GATB: variants seen among roughly 807,000 people sequenced by gnomAD.
GATB encodes glutamyl-tRNA amidotransferase subunit B.
GATB carries 39 observed loss-of-function variants against 62.3 expected under a neutral mutation model. The observed-to-expected ratio is 0.63, with a 90% CI of 0.48 to 0.82. The LOEUF is 0.82. Among genes scored for constraint, GATB ranks in the 40% least tolerant of loss-of-function variants. The pLI is 0.00. For synonymous variants in GATB, 276 were observed against 258.9 expected, an observed-to-expected ratio of 1.07 and a Z score of -0.63; for missense variants, 670 against 684.0, an observed-to-expected ratio of 0.98 and a Z score of 0.23.
intron 10 of GATB, among the ~76,000 whole-genome samples, chr4:151,686,642 T>TCCGCG (rs1738251627): frequency 1.4e-5 from 1 of 73,448 alleles, no homozygotes. Flanking sequence ...GTGTCACCAG[T>TCCGCG]CCCCGCCCCG....
At chr4:151,686,706 G>A (rs1283450586) in intron 10 of GATB, among the ~76,000 whole-genome samples, 2 of 128,286 alleles carry the variant, frequency 1.6e-5, no homozygotes, top group Admixed American at 1.1e-4. Flanking sequence ...GTGCCATCGC[G>A]CCTGCATTTC....
At chr4:151,746,046 T>C (rs1488255804) in intron 2 of GATB, among the ~76,000 whole-genome samples, 1 of 152,204 alleles carries the variant, frequency 6.6e-6, no homozygotes, top group Non-Finnish European at 1.5e-5. Flanking sequence ...TGAATTGTAG[T>C]GCAGCCTGAT....
intron 9 of GATB, among the ~76,000 whole-genome samples, 185 bp from the exon 10 acceptor site, chr4:151,688,948 G>A (rs1231107289): frequency 6.6e-6 from 1 of 152,102 alleles, no homozygotes; most frequent in Non-Finnish European, 1.5e-5. Flanking sequence ...TTCTACTACT[G>A]TCACTGTGCA....
In GATB at chr4:151,679,888, A is replaced by T. The variant is rs750020229; in HGVS notation, c.1335T>A (p.Pro445=). ...KQQNLAVSES[P]VTPSALAELL... Reference sequence around the variant, plus strand: ...GCTCAGCGAGTGCAGAGGGTGTGACAGGACTGGTGGCCCCCAAAAGAGAAA... The same window carrying T: ...GCTCAGCGAGTGCAGAGGGTGTGACTGGACTGGTGGCCCCCAAAAGAGAAA... The change falls in exon 11 of 13, where the codon CCT becomes CCA. Residue 445 remains proline (P), a synonymous_variant. Transcript: ENST00000263985. The T allele has an allele frequency of 6.2e-7, 1 of 1,614,092 alleles. No individual in the cohort carries two copies. Among genetic ancestry groups the T allele is most frequent in the East Asian group, 2.2e-5 (1 of 44,886 alleles).
intron 9 of GATB, among the ~76,000 whole-genome samples, chr4:151,689,289 C>T (rs906078621): frequency 1.3e-5 from 2 of 152,224 alleles, no homozygotes; most frequent in African/African-American, 4.8e-5. Context: ...CTGATTCTCA[C>T]ATCATGACAA....
At chr4:151,722,515 C>T (rs1444101434) in intron 2 of GATB, 1 of 370,382 alleles carries the variant, frequency 2.7e-6, no homozygotes, top group African/African-American at 2.1e-5. Context: ...TGTCCCCCCA[C>T]AACACCTCTG....
intron 9 of GATB, among the ~76,000 whole-genome samples, chr4:151,690,002 T>C (rs1738330635): frequency 6.6e-6 from 1 of 152,232 alleles, no homozygotes; most frequent in Non-Finnish European, 1.5e-5. Flanking sequence ...AGATTTCCTT[T>C]ACCCATGGAA....
In GATB at chr4:151,732,221, T is replaced by C. The variant is rs1739281720; in HGVS notation, c.328-12683A>G. Among the ~76,000 whole-genome samples the C allele has an allele frequency of 3.3e-5, 5 of 152,138 alleles. No individual in the cohort carries two copies. In the South Asian group the frequency reaches 1.0e-3, roughly 31 times the overall value. On this transcript the variant is annotated intron_variant, in intron 2 of 12. Transcript: ENST00000263985. Reference sequence around the variant, plus strand: ...TGGCCACCACCCCATCAGGGAGGTGTACCCAACAGCTCATTGAGAATGGGC... The same window carrying C: ...TGGCCACCACCCCATCAGGGAGGTGCACCCAACAGCTCATTGAGAATGGGC...
intron 9 of GATB, among the ~76,000 whole-genome samples, chr4:151,695,413 G>A (rs1738448563): frequency 6.6e-6 from 1 of 152,126 alleles, no homozygotes; most frequent in African/African-American, 2.4e-5. Context: ...CTGTCCCCAA[G>A]TCAGTGTTTT....
chr4:151,740,817 G>A (rs1005064711), intron 2 of GATB, among the ~76,000 whole-genome samples: 5 of 152,132 alleles, frequency 3.3e-5, no homozygotes, highest in African/African-American at 7.2e-5. Flanking sequence ...TTCAGGCTGC[G>A]TTTTTATTAT....
At position 151,671,317 on chromosome 4, in the gene GATB, A is replaced by ATTAT. The variant is rs1737854235; in HGVS notation, c.1546-16_1546-15insATAA. 1.2e-6 allele frequency: 2 copies of ATTAT among 1,605,698 alleles called. No individual in the cohort carries two copies. The highest frequency in any genetic ancestry group is 2.2e-5 in the East Asian group (1 of 44,788). On this transcript the variant is annotated splice_polypyrimidine_tract_variant and intron_variant, in intron 12 of 12. Coordinates refer to ENST00000263985, the MANE Select transcript of GATB (RefSeq NM_004564.3). ...ACATCCATTACCTAGAAGGACAGAA[A>ATTAT]TTACTTACTTAAGAGGAGAAAATGA...
intron 5 of GATB, among the ~76,000 whole-genome samples, chr4:151,715,323 C>T (rs1348531953): frequency 3.3e-5 from 5 of 152,294 alleles, no homozygotes; most frequent in African/African-American, 1.2e-4. Flanking sequence ...AGAGGCTACC[C>T]TTTACGGACT....
At position 151,760,901 on chromosome 4, in the gene GATB, T is replaced by G. The variant is rs1160435489; in HGVS notation, c.82A>C (p.Arg28=). ...ARVDGGSCHR[R]GAPTGSTSNQ... Reference sequence around the variant, plus strand: ...GATGTGGACCCAGTCGGAGCCCCTCTTCGGTGGCAAGAACCACCGTCAACC... The same window carrying G: ...GATGTGGACCCAGTCGGAGCCCCTCGTCGGTGGCAAGAACCACCGTCAACC... The change falls in exon 1 of 13, where the codon AGA becomes CGA. Residue 28 remains arginine, a synonymous_variant. Coordinates refer to ENST00000263985, the MANE Select transcript of GATB (RefSeq NM_004564.3). 1 of 1,614,052 alleles carries G rather than the reference T, an allele frequency of 6.2e-7. No individual in the cohort carries two copies. Among genetic ancestry groups the G allele is most frequent in the East Asian group, 2.2e-5 (1 of 44,878 alleles).
chr4:151,682,224 G>T (rs1344354777), intron 10 of GATB, among the ~76,000 whole-genome samples: 2 of 152,068 alleles, frequency 1.3e-5, no homozygotes, highest in Non-Finnish European at 2.9e-5. Context: ...CACACAGTAG[G>T]TCATCATATT....
chr4:151,694,109 G>T (rs551285026), intron 9 of GATB, among the ~76,000 whole-genome samples: 4 of 152,332 alleles, frequency 2.6e-5, no homozygotes, highest in African/African-American at 9.6e-5. Flanking sequence ...GAAGGAACCT[G>T]AGTTGCTCAA....
chr4:151,756,758 A>G (rs78127731), intron 2 of GATB, among the ~76,000 whole-genome samples: 2,183 of 152,354 alleles, frequency 0.014, 43 homozygotes, highest in African/African-American at 0.049. Context: ...TTACAAAGCA[A>G]TTAAAATGTT....
intron 2 of GATB, among the ~76,000 whole-genome samples, chr4:151,731,980 G>A (rs544995710): frequency 0.011 from 1,444 of 136,428 alleles, 73 homozygotes; most frequent in Non-Finnish European, 0.018. Context: ...GCCCCTGCCC[G>A]GCCAGCCGCC....
At chr4:151,714,678 A>G (rs962043758) in intron 5 of GATB, among the ~76,000 whole-genome samples, 1 of 152,240 alleles carries the variant, frequency 6.6e-6, no homozygotes, top group Non-Finnish European at 1.5e-5. Flanking sequence ...TAGGGTTGGT[A>G]GGAATCACAG....
chr4:151,742,276 G>A (rs897929177), intron 2 of GATB, among the ~76,000 whole-genome samples: 8 of 151,964 alleles, frequency 5.3e-5, no homozygotes, highest in Non-Finnish European at 8.8e-5. Context: ...TTTTAGTAGA[G>A]ACGGCATTTC....
Sources: allele counts gnomAD v4.1 joint callset (sites outside exome capture counted in the v4.1 genomes callset), GRCh38; gene constraint gnomAD v4.1.1; transcripts MANE v1.5; gene names NCBI Gene and HGNC (gene_info 2026-07-23, HGNC 2026-07-21).